ACAD10: variants seen among roughly 807,000 people sequenced by gnomAD.
ACAD10 encodes acyl-CoA dehydrogenase family member 10.
ACAD10 carries 112 observed loss-of-function variants against 116.8 expected under a neutral mutation model. That is an observed-to-expected ratio of 0.96 (90% CI 0.82 to 1.12). The LOEUF (loss-of-function observed/expected upper bound fraction) is 1.12. Among genes scored for constraint, ACAD10 ranks in the 50% most tolerant of loss-of-function variants. The probability of loss-of-function intolerance (pLI) is 0.00; values close to 1 mark genes in which losing one functional copy is unlikely to be tolerated. For missense variants in ACAD10, 1,259 were observed against 1,350.2 expected, an observed-to-expected ratio of 0.93 and a Z score of 1.06; for synonymous variants, 486 against 510.6, an observed-to-expected ratio of 0.95 and a Z score of 0.65.
intron 5 of ACAD10, 134 bp from the exon 6 acceptor site, chr12:111,712,364 A>G (rs1888710534): frequency 2.5e-6 from 2 of 802,840 alleles, no homozygotes; most frequent in African/African-American, 1.7e-5. Context: ...TTCAATATAT[A>G]TTCTCTGCAC....
At chr12:111,748,995 T>C in intron 17 of ACAD10, 178 bp from the exon 18 acceptor site, 1 of 1,608,054 alleles carries the variant, frequency 6.2e-7, no homozygotes, top group Non-Finnish European at 8.5e-7. Context: ...AGTGATTCAT[T>C]TTCTGTGTTT....
Position 111,723,103 on chromosome 12 carries a change from G to GC in ACAD10, c.1061+1368dup, listed in dbSNP as rs544079390. Among the ~76,000 whole-genome samples the GC allele has an allele frequency of 7.2e-3, 1,019 of 141,372 alleles. 42 individuals carry two copies. Among genetic ancestry groups the GC allele is most frequent in the African/African-American group, 0.026 (948 of 36,358 alleles). The allele number at this position is 141,372 out of a possible 152,430, so 92.7% of individuals were successfully genotyped here. On this transcript the variant is annotated intron_variant, in intron 8 of 20. Coordinates refer to ENST00000313698, the MANE Select transcript of ACAD10 (RefSeq NM_025247.6). ...CCAGTAGGGGCGGCCGGGCAGAGGC[G>GC]CCCCTCACCTCCCAGACGGGGCGGC...
At chr12:111,713,882 A>G (rs1888763395) in intron 6 of ACAD10, among the ~76,000 whole-genome samples, 1 of 151,586 alleles carries the variant, frequency 6.6e-6, no homozygotes, top group African/African-American at 2.4e-5. Flanking sequence ...GGTTACGGTG[A>G]GCTAAGATAG....
rs534706242 is a variant in ACAD10 at position 111,751,368 on chromosome 12, C to T, written c.2817+2023C>T. ...TGACACTCCCAGCACTCTGAGAGGC[C>T]GAGGCAGGCAGATTGCTTGAGCCCA... On this transcript the variant is annotated intron_variant, in intron 18 of 20. Transcript: ENST00000313698. Among the ~76,000 whole-genome samples the T allele has an allele frequency of 1.3e-3, 193 of 152,182 alleles. No homozygotes were observed. The Middle Eastern group carries it at 0.014, about 11-fold the overall frequency.
At chr12:111,702,059 C>A in intron 2 of ACAD10, 103 bp from the exon 3 acceptor site, 1 of 1,239,370 alleles carries the variant, frequency 8.1e-7, no homozygotes, top group Non-Finnish European at 1.1e-6. Flanking sequence ...TCCACCCTGG[C>A]AGTACAGCGA....
chr12:111,728,175 T>G (rs1376671907), intron 9 of ACAD10, 32 bp downstream of exon 9: 2 of 1,561,890 alleles, frequency 1.3e-6, no homozygotes, highest in Non-Finnish European at 1.7e-6. Flanking sequence ...CCATGCTGGT[T>G]GTTTCATCAC....
At chr12:111,735,931 C>T (rs1055740244) in intron 11 of ACAD10, among the ~76,000 whole-genome samples, 1 of 150,854 alleles carries the variant, frequency 6.6e-6, no homozygotes, top group Non-Finnish European at 1.5e-5. Context: ...CCAGGCTGGA[C>T]CACAGTGGCG....
Position 111,728,090 on chromosome 12 carries a change from A to G in ACAD10, c.1190A>G (p.Lys397Arg), listed in dbSNP as rs1038365580. 1.2e-6 allele frequency: 2 copies of G among 1,613,488 alleles called. No homozygotes were observed. The highest frequency in any genetic ancestry group is 2.7e-5 in the African/African-American group (2 of 74,904). The change falls in exon 9 of 21, where the codon AAA becomes AGA. Residue 397 changes from lysine to arginine, a missense_variant. Coordinates refer to ENST00000313698, the MANE Select transcript of ACAD10 (RefSeq NM_025247.6). ...IYTAMNTVLCKIHSVDLQAVG... is the reference protein window; with the variant it reads ...IYTAMNTVLCRIHSVDLQAVG... ...ACTGCCATGAACACAGTCCTGTGCA[A>G]AATTCACAGTGTGGATCTGCAGGCT...
rs1052514250 is a variant in ACAD10 at position 111,738,152 on chromosome 12, C to T, written c.1714+1148C>T. 6.3e-4 allele frequency among the ~76,000 whole-genome samples: 96 copies of T among 152,106 alleles called. 4 individuals carry two copies. The highest frequency in any genetic ancestry group is 1.2e-4 in the Non-Finnish European group (8 of 68,026). ...GATTACAGGCATGAGCCACTGAGCCCGGCCAGTCCCCAAGTCTTTAGGTAA... is the reference window on the plus strand; with the variant it reads ...GATTACAGGCATGAGCCACTGAGCCTGGCCAGTCCCCAAGTCTTTAGGTAA... On this transcript the variant is annotated intron_variant, in intron 12 of 20. Coordinates refer to ENST00000313698, the MANE Select transcript of ACAD10 (RefSeq NM_025247.6).
chr12:111,722,449 G>C (rs1029197439), intron 8 of ACAD10, among the ~76,000 whole-genome samples: 36 of 151,796 alleles, frequency 2.4e-4, no homozygotes, highest in Middle Eastern at 3.2e-3. Context: ...GATTTGGCTG[G>C]GTCATAGGAC....
At chr12:111,693,145 G>T in intron 2 of ACAD10, 1 of 504,294 alleles carries the variant, frequency 2.0e-6, no homozygotes, top group Non-Finnish European at 3.6e-6. Context: ...GGGATTTGGC[G>T]GAGAGTTATC....
At chr12:111,726,193 G>A (rs1889209229) in intron 8 of ACAD10, among the ~76,000 whole-genome samples, 1 of 152,114 alleles carries the variant, frequency 6.6e-6, no homozygotes, top group Admixed American at 6.6e-5. Context: ...GGCAGAGTTT[G>A]CAGTAGGCCA....
intron 2 of ACAD10, among the ~76,000 whole-genome samples, chr12:111,696,474 A>C (rs1888193322): frequency 6.6e-6 from 1 of 152,184 alleles, no homozygotes; most frequent in African/African-American, 2.4e-5. Flanking sequence ...TGAAGTTCAT[A>C]TTTCAATGTC....
At chr12:111,696,568 G>T (rs985759904) in intron 2 of ACAD10, among the ~76,000 whole-genome samples, 1 of 152,174 alleles carries the variant, frequency 6.6e-6, no homozygotes, top group African/African-American at 2.4e-5. Context: ...TACTGGCAGA[G>T]TTGAGTAATT....
chr12:111,730,599 T>C (rs1008863551), intron 10 of ACAD10, among the ~76,000 whole-genome samples: 1 of 152,120 alleles, frequency 6.6e-6, no homozygotes, highest in Non-Finnish European at 1.5e-5. Flanking sequence ...TTTTATAGGG[T>C]AGTGTTTATA....
In ACAD10 at chr12:111,747,313, A is replaced by G. The variant is rs1033404281; in HGVS notation, c.2413A>G (p.Thr805Ala). 1.9e-6 allele frequency: 3 copies of G among 1,614,084 alleles called. No individual in the cohort carries two copies. Among genetic ancestry groups the G allele is most frequent in the Non-Finnish European group, 2.5e-6 (3 of 1,180,002 alleles). Residue 805 changes from threonine (T) to alanine (A), a missense_variant, in exon 16 of 21, where the codon ACC becomes GCC. Physicochemically the swap from Thr to Ala is moderately conservative, Grantham distance 58. Transcript: ENST00000313698. The stretch of plus-strand genomic sequence containing the variant: ...CACTCAGGTTGCCTCTTCAGATGCC[A>G]CCAACATTGAGGCTTCCATCAGAGA... ...TEPQVASSDA[T>A]NIEASIREED...
chr12:111,749,113 A>G (rs1889997559), intron 17 of ACAD10, 60 bp from the exon 18 acceptor site: 1 of 1,613,834 alleles, frequency 6.2e-7, no homozygotes, highest in Non-Finnish European at 8.5e-7. Flanking sequence ...GGTGAGGAAT[A>G]AACACATCCA....
In ACAD10 at chr12:111,753,860, A is replaced by T. The variant is rs200469515; in HGVS notation, c.2906A>T (p.Gln969Leu). 21 of 1,613,398 alleles carry T rather than the reference A, an allele frequency of 1.3e-5. No homozygotes were observed. Among genetic ancestry groups the T allele is most frequent in the Non-Finnish European group, 8.5e-7 (1 of 1,179,780 alleles). Residue 969 changes from glutamine (Q) to leucine (L), a missense_variant, in exon 19 of 21, where the codon CAG becomes CTG. Transcript: ENST00000313698. ...GCGCAGTCGCGCGTGGAGATTGAGC[A>T]GGCACGGCTGCTGGTGCTGAGAGCT... ...DIAQSRVEIE[Q>L]ARLLVLRAAH...
intron 4 of ACAD10, among the ~76,000 whole-genome samples, chr12:111,707,128 C>T (rs529515273): frequency 1.4e-5 from 2 of 146,688 alleles, no homozygotes; most frequent in South Asian, 2.2e-4. Flanking sequence ...CTCTCTCTGT[C>T]GCCCAGGTTG....
Sources: allele counts gnomAD v4.1 joint callset (sites outside exome capture counted in the v4.1 genomes callset), GRCh38; gene constraint gnomAD v4.1.1; transcripts MANE v1.5; gene names NCBI Gene and HGNC (gene_info 2026-07-23, HGNC 2026-07-21).